The following SEMA3A variants were observed in gnomAD, a reference collection of about 807,000 sequenced individuals.
SEMA3A encodes semaphorin 3A.
Under a neutral mutation model 97.9 loss-of-function variants are expected in SEMA3A, and 29 were observed. The ratio of observed to expected loss-of-function variants is 0.30; its 90% CI spans 0.22 to 0.40. SEMA3A has a LOEUF of 0.40. SEMA3A is among the 10% of genes least tolerant of loss of function. The pLI is 1.00. For synonymous variants in SEMA3A, 321 were observed against 323.7 expected, an observed-to-expected ratio of 0.99 and a Z score of 0.09; for missense variants, 763 against 951.3, an observed-to-expected ratio of 0.80 and a Z score of 2.60.
chr7:83,968,803 CCT>C (rs1788811473), intron 15 of SEMA3A, among the ~76,000 whole-genome samples: 2 of 123,400 alleles, frequency 1.6e-5, no homozygotes, highest in Admixed American at 8.1e-5. Context: ...TCTTTTCTTT[CCT>C]TTTTTTTTTT....
At chr7:84,015,061 C>G (rs1791043856) in intron 6 of SEMA3A, among the ~76,000 whole-genome samples, 2 of 152,292 alleles carry the variant, frequency 1.3e-5, no homozygotes, top group Admixed American at 1.3e-4. Context: ...CAACCCTTGT[C>G]TCCACACGAC....
intron 1 of SEMA3A, among the ~76,000 whole-genome samples, chr7:84,393,295 A>C (rs555374140): frequency 1.3e-5 from 2 of 152,286 alleles, no homozygotes; most frequent in South Asian, 4.1e-4. Flanking sequence ...CCATTTATTG[A>C]AGAGTCTTTT....
chr7:84,239,669 C>A (rs981570114), intron 3 of SEMA3A, among the ~76,000 whole-genome samples: 3 of 152,016 alleles, frequency 2.0e-5, no homozygotes, highest in Non-Finnish European at 4.4e-5. Flanking sequence ...TGTAATTTTT[C>A]TAACATATTT....
At chr7:84,191,840 T>C (rs956402775) in intron 1 of SEMA3A, among the ~76,000 whole-genome samples, 38 of 152,010 alleles carry the variant, frequency 2.5e-4, no homozygotes, top group African/African-American at 8.4e-4. Flanking sequence ...TTTCTAATAT[T>C]ATCACTTCTC....
chr7:84,071,520 A>G (rs1793740175), intron 4 of SEMA3A, among the ~76,000 whole-genome samples: 1 of 152,088 alleles, frequency 6.6e-6, no homozygotes, highest in African/African-American at 2.4e-5. Context: ...TTTTTCCTGT[A>G]TGTCATTCTT....
At chr7:83,994,965 G>A (rs948217452) in intron 12 of SEMA3A, among the ~76,000 whole-genome samples, 14 of 151,950 alleles carry the variant, frequency 9.2e-5, no homozygotes, top group South Asian at 2.1e-4. Context: ...AGCAATCAGC[G>A]AGACTCCATG....
At chr7:84,468,981 GA>G (rs755908193) in intron 1 of SEMA3A, among the ~76,000 whole-genome samples, 1 of 151,662 alleles carries the variant, frequency 6.6e-6, no homozygotes, top group Non-Finnish European at 1.5e-5. Context: ...TTTATTTCAG[GA>G]AAAGTAAATA....
chr7:84,233,667 C>G (rs1177377945), intron 3 of SEMA3A, among the ~76,000 whole-genome samples: 1 of 151,896 alleles, frequency 6.6e-6, no homozygotes, highest in Non-Finnish European at 1.5e-5. Context: ...TTCAATAATA[C>G]CATAGTGCTG....
intron 1 of SEMA3A, among the ~76,000 whole-genome samples, chr7:84,414,703 T>A (rs1031663940): frequency 3.9e-5 from 6 of 151,910 alleles, no homozygotes; most frequent in Middle Eastern, 3.4e-3. Context: ...GGCTCTATTA[T>A]TAAAAGAAAA....
chr7:84,049,739 G>C (rs1038688661), intron 5 of SEMA3A, among the ~76,000 whole-genome samples: 2 of 150,332 alleles, frequency 1.3e-5, no homozygotes, highest in African/African-American at 4.9e-5. Flanking sequence ...TATACTTTAA[G>C]TTTTAGGGTA....
At chr7:84,137,928 C>A (rs1282368150) in intron 1 of SEMA3A, among the ~76,000 whole-genome samples, 3 of 152,140 alleles carry the variant, frequency 2.0e-5, no homozygotes, top group Non-Finnish European at 2.9e-5. Flanking sequence ...CACCACAGTA[C>A]TTATCTTTTA....
At chr7:84,369,568 C>T (rs1802927675) in intron 2 of SEMA3A, among the ~76,000 whole-genome samples, 1 of 150,558 alleles carries the variant, frequency 6.6e-6, no homozygotes, top group African/African-American at 2.4e-5. Context: ...ATATTCAACC[C>T]CCAAATTCTG....
intron 6 of SEMA3A, among the ~76,000 whole-genome samples, chr7:84,045,964 T>C (rs890472246): frequency 2.3e-5 from 2 of 88,290 alleles, no homozygotes; most frequent in Admixed American, 2.5e-4. Context: ...CAATAAGAGA[T>C]GTAAAGGAAA....
chr7:84,432,070 A>AT (rs535508118), intron 1 of SEMA3A, among the ~76,000 whole-genome samples: 1 of 152,118 alleles, frequency 6.6e-6, no homozygotes, highest in African/African-American at 2.4e-5. Flanking sequence ...TCAGAAGTAT[A>AT]TTTTTTCCAA....
intron 3 of SEMA3A, among the ~76,000 whole-genome samples, chr7:84,246,779 G>A (rs1799485977): frequency 1.3e-5 from 2 of 152,040 alleles, no homozygotes; most frequent in Admixed American, 1.3e-4. Flanking sequence ...AACTATAAGT[G>A]TGTGTTTTTG....
At chr7:84,426,496 A>C (rs1804833720) in intron 1 of SEMA3A, among the ~76,000 whole-genome samples, 1 of 152,120 alleles carries the variant, frequency 6.6e-6, no homozygotes, top group African/African-American at 2.4e-5. Context: ...TAGTGATAAG[A>C]TTAAGAGAGA....
At chr7:84,052,908 T>C (rs1792750295) in intron 5 of SEMA3A, among the ~76,000 whole-genome samples, 1 of 151,840 alleles carries the variant, frequency 6.6e-6, no homozygotes, top group African/African-American at 2.4e-5. Context: ...TTCTGGTATG[T>C]TGTGTCTTTG....
chr7:84,048,424 T>G (rs1277277184), intron 5 of SEMA3A, among the ~76,000 whole-genome samples: 1 of 151,988 alleles, frequency 6.6e-6, no homozygotes, highest in Non-Finnish European at 1.5e-5. Flanking sequence ...TTATTAAGGG[T>G]AATATCTAAT....
intron 2 of SEMA3A, among the ~76,000 whole-genome samples, chr7:84,328,922 A>C (rs1014711790): frequency 1.3e-5 from 2 of 151,934 alleles, no homozygotes; most frequent in African/African-American, 4.8e-5. Context: ...CTCACATATA[A>C]TTTCCTAACA....
Sources: gnomAD v4.1 joint callset for allele counts (sites outside exome capture counted in the v4.1 genomes callset) on GRCh38, gnomAD v4.1.1 for gene constraint, MANE v1.5 for transcripts, NCBI Gene and HGNC (gene_info 2026-07-23, HGNC 2026-07-21) for gene names.